The following ENOX2 variants were observed in gnomAD, a reference collection of about 807,000 sequenced individuals.
The protein encoded by ENOX2 is APK1 antigen.
ENOX2 carries 36 observed loss-of-function variants against 45.0 expected under a neutral mutation model. That is an observed-to-expected ratio of 0.80 (90% CI 0.61 to 1.06). The LOEUF (loss-of-function observed/expected upper bound fraction) is 1.06, where lower values mean the gene tolerates loss of function less well. Among genes scored for constraint, ENOX2 ranks in the 50% least tolerant of loss-of-function variants. The pLI is 0.00. For synonymous variants in ENOX2, 174 were observed against 152.3 expected, an observed-to-expected ratio of 1.14 and a Z score of -1.05; for missense variants, 423 against 462.5, an observed-to-expected ratio of 0.91 and a Z score of 0.78.
intron 2 of ENOX2, among the ~76,000 whole-genome samples, chrX:130,860,058 C>A (rs759074959): frequency 9.1e-6 from 1 of 110,240 alleles, no homozygotes; most frequent in Non-Finnish European, 1.9e-5. Flanking sequence ...TGGGATCAAG[C>A]GATTCTGTTG....
At chrX:130,775,983 C>CTAA (rs2039847097) in intron 3 of ENOX2, among the ~76,000 whole-genome samples, 1 of 111,512 alleles carries the variant, frequency 9.0e-6, no homozygotes, top group South Asian at 3.8e-4. Context: ...GGCCAAAAGT[C>CTAA]TAATAATAAG....
intron 10 of ENOX2, among the ~76,000 whole-genome samples, chrX:130,638,493 C>T (rs907515446): frequency 3.1e-4 from 34 of 110,694 alleles, no homozygotes; most frequent in African/African-American, 9.2e-4. Flanking sequence ...TGACTCGTCT[C>T]ACAGAGGAAA....
intron 2 of ENOX2, among the ~76,000 whole-genome samples, chrX:130,806,254 A>G (rs2077298232): frequency 8.9e-6 from 1 of 112,303 alleles, no homozygotes; most frequent in Non-Finnish European, 1.9e-5. Context: ...TTTTACTGTT[A>G]CAGAACATTA....
chrX:130,848,826 A>T (rs183158159), intron 2 of ENOX2, among the ~76,000 whole-genome samples: 1 of 111,891 alleles, frequency 8.9e-6, no homozygotes, highest in Admixed American at 9.5e-5. Flanking sequence ...ACAAACAAAA[A>T]AAAACCAAAA....
chrX:130,697,566 T>C (rs1160530619), intron 4 of ENOX2, among the ~76,000 whole-genome samples: 2 of 111,865 alleles, frequency 1.8e-5, no homozygotes, highest in Admixed American at 9.5e-5. Flanking sequence ...GAGAACATGT[T>C]GGATTAGGGA....
chrX:130,816,909 A>G (rs979716670), intron 2 of ENOX2, among the ~76,000 whole-genome samples: 1 of 112,038 alleles, frequency 8.9e-6, no homozygotes, highest in African/African-American at 3.2e-5. Flanking sequence ...GAAATAACTA[A>G]GATCAGAGCA....
At chrX:130,795,706 A>G (rs2077112366) in intron 2 of ENOX2, among the ~76,000 whole-genome samples, 1 of 112,049 alleles carries the variant, frequency 8.9e-6, no homozygotes, top group Non-Finnish European at 1.9e-5. Flanking sequence ...AATTCCCCTA[A>G]GTACCCTTTG....
chrX:130,662,063 T>C (rs937853365), intron 9 of ENOX2, among the ~76,000 whole-genome samples: 1 of 111,774 alleles, frequency 8.9e-6, no homozygotes, highest in Non-Finnish European at 1.9e-5. Context: ...TAAGTGATTC[T>C]GTAGAAAAAG....
intron 5 of ENOX2, among the ~76,000 whole-genome samples, chrX:130,683,510 C>T (rs996872030): frequency 9.0e-6 from 1 of 111,632 alleles, no homozygotes; most frequent in Admixed American, 9.5e-5. Context: ...TGTTCTTGCT[C>T]TTTTTCTGGC....
chrX:130,861,697 A>G (rs1325058271), intron 2 of ENOX2, among the ~76,000 whole-genome samples: 1 of 111,704 alleles, frequency 9.0e-6, no homozygotes, highest in Admixed American at 9.5e-5. Flanking sequence ...TAAGGCCTAC[A>G]TCTATTGTAC....
chrX:130,736,096 T>A (rs1480298803), intron 3 of ENOX2, among the ~76,000 whole-genome samples: 1 of 111,691 alleles, frequency 9.0e-6, no homozygotes, highest in Non-Finnish European at 1.9e-5. Context: ...AGGTGCAGTG[T>A]CTCATGCCTG....
rs1005390457 is a variant in ENOX2 at position 130,873,375 on chromosome X, A to G, written c.-183+28309T>C. ...TCTCACACCAGTTAGAATGGTGATC[A>G]TTAAAAAGTCAGGAAACAACAAACG... On this transcript the variant is annotated intron_variant, in intron 2 of 14. Transcript: ENST00000394363. Among the ~76,000 whole-genome samples, 4 of 112,310 alleles carry G rather than the reference A, an allele frequency of 3.6e-5. No individual in the cohort carries two copies. In the Admixed American group the frequency reaches 3.8e-4, roughly 11 times the overall value.
chrX:130,709,652 A>G (rs1172485926), intron 3 of ENOX2, among the ~76,000 whole-genome samples: 8 of 108,500 alleles, frequency 7.4e-5, no homozygotes, highest in African/African-American at 2.3e-4. Flanking sequence ...AAAAAAAAAA[A>G]AAAGAAAAGA....
At chrX:130,850,107 C>T (rs2078180354) in intron 2 of ENOX2, among the ~76,000 whole-genome samples, 1 of 111,926 alleles carries the variant, frequency 8.9e-6, no homozygotes, top group Admixed American at 9.5e-5. Flanking sequence ...AGCCTTTATT[C>T]AATTCAGTCC....
At chrX:130,762,097 T>C (rs1400739905) in intron 3 of ENOX2, among the ~76,000 whole-genome samples, 1 of 112,157 alleles carries the variant, frequency 8.9e-6, no homozygotes, top group Non-Finnish European at 1.9e-5. Flanking sequence ...TCCGTCTTGA[T>C]TTTAGTTTAT....
chrX:130,663,462 C>A (rs1239507301), intron 9 of ENOX2, among the ~76,000 whole-genome samples: 1 of 101,336 alleles, frequency 9.9e-6, no homozygotes, highest in East Asian at 3.2e-4. Flanking sequence ...ACCCAGGAGG[C>A]GGAAGTTGCA....
At chrX:130,755,766 G>C (rs185887351) in intron 3 of ENOX2, among the ~76,000 whole-genome samples, 215 of 110,949 alleles carry the variant, frequency 1.9e-3, no homozygotes, top group Non-Finnish European at 2.9e-3. Context: ...ATTTTTAAAT[G>C]TACAATTAAA....
At chrX:130,631,779 A>G (rs933199944) in intron 12 of ENOX2, among the ~76,000 whole-genome samples, 1 of 111,003 alleles carries the variant, frequency 9.0e-6, no homozygotes, top group Non-Finnish European at 1.9e-5. Context: ...CAAAACACAG[A>G]AACATTTAAA....
intron 2 of ENOX2, among the ~76,000 whole-genome samples, chrX:130,812,329 T>A (rs1435946850): frequency 9.0e-6 from 1 of 110,976 alleles, no homozygotes; most frequent in Non-Finnish European, 1.9e-5. Flanking sequence ...AAGAGGCAAA[T>A]CACATATAAG....
Sources: gnomAD v4.1 joint callset for allele counts (sites outside exome capture counted in the v4.1 genomes callset) on GRCh38, gnomAD v4.1.1 for gene constraint, MANE v1.5 for transcripts, NCBI Gene and HGNC (gene_info 2026-07-23, HGNC 2026-07-21) for gene names.